KCNQ1OT1: variants seen among roughly 807,000 people sequenced by gnomAD.
KCNQ1OT1 encodes the protein KCNQ1 antisense RNA 2 (non-protein coding).
exon 1 of KCNQ1OT1, chr11:2,616,690 AT>A (rs1312674947): frequency 5.0e-6 from 2 of 398,020 alleles, no homozygotes; most frequent in Non-Finnish European, 8.9e-6. Context: ...GAATTTGTTA[AT>A]TTTTAGGTTT....
Position 2,698,824 on chromosome 11 carries a change from C to A in KCNQ1OT1, n.1171G>T. ...TCCCGATCCTCTGTCCCTAATGAGG[C>A]CCTACCTAAAACCACCATGCGGACT... On this transcript the variant is annotated non_coding_transcript_exon_variant, in exon 1 of 1. Coordinates refer to ENST00000597346, the Ensembl canonical transcript of KCNQ1OT1. The surrounding 1 kb of genome is among the most constrained non-coding windows in gnomAD (Gnocchi z 5.1). 1 of 398,818 alleles carries A rather than the reference C, an allele frequency of 2.5e-6. No homozygotes were observed. Among genetic ancestry groups the A allele is most frequent in the Admixed American group, 4.4e-5 (1 of 22,730 alleles). The allele number at this position is 398,818 out of a possible 1,614,324, so 24.7% of individuals were successfully genotyped here.
At chr11:2,694,794 GTA>G (rs2133896407) in exon 1 of KCNQ1OT1, 1 of 398,640 alleles carries the variant, frequency 2.5e-6, no homozygotes, top group East Asian at 3.6e-5. Context: ...GACTCGAAAG[GTA>G]GTCGTCAGCT....
At position 2,658,390 on chromosome 11, in the gene KCNQ1OT1, A is replaced by T. The variant is rs563376632; in HGVS notation, n.41605T>A. 5 of 398,360 alleles carry T rather than the reference A, an allele frequency of 1.3e-5. No individual in the cohort carries two copies. Among genetic ancestry groups the T allele is most frequent in the African/African-American group, 4.1e-5 (2 of 48,562 alleles). The allele number at this position is 398,360 out of a possible 1,614,324, so 24.7% of individuals were successfully genotyped here. Reference sequence around the variant, plus strand: ...TATTTATTTTTTGAGTTATAGTCCAATATTATTTATTTTGTTGCTCAAATT... The same window carrying T: ...TATTTATTTTTTGAGTTATAGTCCATTATTATTTATTTTGTTGCTCAAATT... On this transcript the variant is annotated non_coding_transcript_exon_variant, in exon 1 of 1. Transcript: ENST00000597346. The surrounding 1 kb of genome is among the most constrained non-coding windows in gnomAD (Gnocchi z 4.9).
chr11:2,667,199 C>A (rs990974141), exon 1 of KCNQ1OT1: 6 of 398,614 alleles, frequency 1.5e-5, no homozygotes, highest in Admixed American at 4.4e-5. Context: ...TGTGGCGGCC[C>A]CCCGTGGCCC....
chr11:2,670,252 G>T lies in KCNQ1OT1; in HGVS notation n.29743C>A. The stretch of plus-strand genomic sequence containing the variant: ...CTTTGACCCTGCACATGACGGGCGA[G>T]GGAAGAGGACCATGGTAGCTTGTCT... On this transcript the variant is annotated non_coding_transcript_exon_variant, in exon 1 of 1. Coordinates refer to ENST00000597346, the Ensembl canonical transcript of KCNQ1OT1. The surrounding 1 kb of genome is among the most constrained non-coding windows in gnomAD (Gnocchi z 4.9). The T allele has an allele frequency of 2.5e-6, 1 of 398,598 alleles. No homozygotes were observed. The highest frequency in any genetic ancestry group is 1.3e-4 in the South Asian group (1 of 7,856). The allele number at this position is 398,598 out of a possible 1,614,324, so 24.7% of individuals were successfully genotyped here. A position where few individuals can be genotyped will look rare whatever the true frequency, so the allele number is the denominator to read the frequency against.
rs1338804022 is a variant in KCNQ1OT1 at position 2,678,415 on chromosome 11, A to G, written n.21580T>C. 1 of 398,448 alleles carries G rather than the reference A, an allele frequency of 2.5e-6. No homozygotes were observed. Among genetic ancestry groups the G allele is most frequent in the Non-Finnish European group, 4.4e-6 (1 of 226,064 alleles). 24.7% of individuals were successfully genotyped at this position (398,448 alleles called of 1,614,324 possible). A position where few individuals can be genotyped will look rare whatever the true frequency, so the allele number is the denominator to read the frequency against. ...TATATTTGTCCAGTTGTCCAACACT[A>G]TTTATTTGAGTACATCATCATCTCT... On this transcript the variant is annotated non_coding_transcript_exon_variant, in exon 1 of 1. Coordinates refer to ENST00000597346, the Ensembl canonical transcript of KCNQ1OT1. The surrounding 1 kb of genome is among the most constrained non-coding windows in gnomAD (Gnocchi z 4.9).
Position 2,676,289 on chromosome 11 carries a change from C to T in KCNQ1OT1, n.23706G>A, listed in dbSNP as rs1487904492. On this transcript the variant is annotated non_coding_transcript_exon_variant, in exon 1 of 1. Coordinates refer to ENST00000597346, the Ensembl canonical transcript of KCNQ1OT1. The surrounding 1 kb of genome is among the most constrained non-coding windows in gnomAD (Gnocchi z 4.2). ...TGCAAAATGTGTGTTTACATGTATA[C>T]AGACACACGTGTGAACAGGTGATGG... 5.0e-6 allele frequency: 2 copies of T among 398,516 alleles called. No homozygotes were observed. The highest frequency in any genetic ancestry group is 4.1e-5 in the African/African-American group (2 of 48,638). The allele number at this position is 398,516 out of a possible 1,614,324, so 24.7% of individuals were successfully genotyped here.
exon 1 of KCNQ1OT1, chr11:2,629,024 A>C (rs1424771535): frequency 2.5e-6 from 1 of 398,174 alleles, no homozygotes; most frequent in Non-Finnish European, 4.4e-6. Flanking sequence ...AAGCATGTGT[A>C]ATATCTTTCA....
At position 2,691,592 on chromosome 11, in the gene KCNQ1OT1, G is replaced by A. The variant is rs1485268368; in HGVS notation, n.8403C>T. ...TCAGCAAGGACGAGGCCTCCCTGAG[G>A]GAGTCAACCTAGCTTGTTCCCTGCA... On this transcript the variant is annotated non_coding_transcript_exon_variant, in exon 1 of 1. Transcript: ENST00000597346. The surrounding 1 kb of genome is among the most constrained non-coding windows in gnomAD (Gnocchi z 6.4). 1 of 398,440 alleles carries A rather than the reference G, an allele frequency of 2.5e-6. No homozygotes were observed. The highest frequency in any genetic ancestry group is 2.1e-5 in the African/African-American group (1 of 48,596). 24.7% of individuals were successfully genotyped at this position (398,440 alleles called of 1,614,324 possible). A position where few individuals can be genotyped will look rare whatever the true frequency, so the allele number is the denominator to read the frequency against.
chr11:2,617,754 T>C lies in KCNQ1OT1; in HGVS notation n.82241A>G, dbSNP rs1360910780. 1 of 398,446 alleles carries C rather than the reference T, an allele frequency of 2.5e-6. No homozygotes were observed. The highest frequency in any genetic ancestry group is 4.4e-6 in the Non-Finnish European group (1 of 226,026). The allele number at this position is 398,446 out of a possible 1,614,324, so 24.7% of individuals were successfully genotyped here. ...ATGAGTGTGAGGTGATATCGCATAGTAATTTTGATTTGCATTTCCCTGACG... is the reference window on the plus strand; with the variant it reads ...ATGAGTGTGAGGTGATATCGCATAGCAATTTTGATTTGCATTTCCCTGACG... On this transcript the variant is annotated non_coding_transcript_exon_variant, in exon 1 of 1. Coordinates refer to ENST00000597346, the Ensembl canonical transcript of KCNQ1OT1. The surrounding 1 kb of genome is among the most constrained non-coding windows in gnomAD (Gnocchi z 4.6).
In KCNQ1OT1 at chr11:2,678,960, A is replaced by T; in HGVS notation, n.21035T>A. ...TGAATTTGCTAACTCAATAGAGAAC[A>T]AAAGAGCAAATAGGCCTAATTCAAG... On this transcript the variant is annotated non_coding_transcript_exon_variant, in exon 1 of 1. Coordinates refer to ENST00000597346, the Ensembl canonical transcript of KCNQ1OT1. The surrounding 1 kb of genome is among the most constrained non-coding windows in gnomAD (Gnocchi z 4.9). The T allele has an allele frequency of 7.5e-6, 3 of 398,630 alleles. No homozygotes were observed. Among genetic ancestry groups the T allele is most frequent in the Non-Finnish European group, 1.3e-5 (3 of 226,074 alleles). The allele number at this position is 398,630 out of a possible 1,614,324, so 24.7% of individuals were successfully genotyped here.
Position 2,673,290 on chromosome 11 carries a change from A to G in KCNQ1OT1, n.26705T>C. ...TCAGCCACCTTCTCCCCTAGAAGAA[A>G]TCTTGAGAGAAACAATCCCACAGGC... On this transcript the variant is annotated non_coding_transcript_exon_variant, in exon 1 of 1. Coordinates refer to ENST00000597346, the Ensembl canonical transcript of KCNQ1OT1. This position sits in a 1 kb window ranked among gnomAD's most constrained non-coding sequence, Gnocchi z 4.5. 2.5e-6 allele frequency: 1 copy of G among 398,768 alleles called. No individual in the cohort carries two copies. The highest frequency in any genetic ancestry group is 4.4e-6 in the Non-Finnish European group (1 of 226,150). The allele number at this position is 398,768 out of a possible 1,614,324, so 24.7% of individuals were successfully genotyped here.
At chr11:2,694,521 G>A (rs1850641954) in exon 1 of KCNQ1OT1, 1 of 398,680 alleles carries the variant, frequency 2.5e-6, no homozygotes, top group Non-Finnish European at 4.4e-6. Flanking sequence ...AACCCTGGTT[G>A]CAAGGGGTCA....
At chr11:2,618,584 T>C (rs1589984713) in exon 1 of KCNQ1OT1, 1 of 398,618 alleles carries the variant, frequency 2.5e-6, no homozygotes, top group East Asian at 3.6e-5. Context: ...GCCAGGACCA[T>C]ACTGTTTGAT....
chr11:2,653,118 G>A lies in KCNQ1OT1; in HGVS notation n.46877C>T. On this transcript the variant is annotated non_coding_transcript_exon_variant, in exon 1 of 1. Coordinates refer to ENST00000597346, the Ensembl canonical transcript of KCNQ1OT1. This position sits in a 1 kb window ranked among gnomAD's most constrained non-coding sequence, Gnocchi z 5.3. ...GAGAGGCTCACTGAAGGTTTGGGGA[G>A]ATGAGGACTTGCATCACAGCAGTAG... is the stretch of plus-strand genomic sequence containing the variant. 1 of 398,770 alleles carries A rather than the reference G, an allele frequency of 2.5e-6. No individual in the cohort carries two copies. The highest frequency in any genetic ancestry group is 4.4e-6 in the Non-Finnish European group (1 of 226,142). The allele number at this position is 398,770 out of a possible 1,614,324, so 24.7% of individuals were successfully genotyped here.
chr11:2,663,077 G>C lies in KCNQ1OT1; in HGVS notation n.36918C>G. The C allele has an allele frequency of 2.5e-6, 1 of 398,774 alleles. No individual in the cohort carries two copies. The highest frequency in any genetic ancestry group is 4.4e-6 in the Non-Finnish European group (1 of 226,178). 24.7% of individuals were successfully genotyped at this position (398,774 alleles called of 1,614,324 possible). ...GAGAACTGGCAGGGTTGGGTAGCCA[G>C]AATGAGGCCACCTCCAGGGAAGGAG... is the stretch of plus-strand genomic sequence containing the variant. On this transcript the variant is annotated non_coding_transcript_exon_variant, in exon 1 of 1. Coordinates refer to ENST00000597346, the Ensembl canonical transcript of KCNQ1OT1. The surrounding 1 kb of genome is among the most constrained non-coding windows in gnomAD (Gnocchi z 5.2).
Position 2,612,920 on chromosome 11 carries a change from G to A in KCNQ1OT1, n.87075C>T. 5.0e-6 allele frequency: 2 copies of A among 398,534 alleles called. No individual in the cohort carries two copies. The highest frequency in any genetic ancestry group is 8.8e-6 in the Non-Finnish European group (2 of 226,046). The allele number at this position is 398,534 out of a possible 1,614,324, so 24.7% of individuals were successfully genotyped here. ...CTCATTTATTTGTTTGCTCGCTTGTGTATGCCTTCTCTGCATGGATTCTGC... is the reference window on the plus strand; with the variant it reads ...CTCATTTATTTGTTTGCTCGCTTGTATATGCCTTCTCTGCATGGATTCTGC... On this transcript the variant is annotated non_coding_transcript_exon_variant, in exon 1 of 1. Transcript: ENST00000597346. This position sits in a 1 kb window ranked among gnomAD's most constrained non-coding sequence, Gnocchi z 5.5.
At chr11:2,684,232 C>A in exon 1 of KCNQ1OT1, 3 of 398,598 alleles carry the variant, frequency 7.5e-6, no homozygotes. Flanking sequence ...GTTAACTGAC[C>A]CTACCCAGTA....
Position 2,621,250 on chromosome 11 carries a change from C to CCTG in KCNQ1OT1, n.78744_78745insCAG. 2.5e-6 allele frequency: 1 copy of CCTG among 398,156 alleles called. No individual in the cohort carries two copies. The highest frequency in any genetic ancestry group is 4.4e-6 in the Non-Finnish European group (1 of 225,948). 24.7% of individuals were successfully genotyped at this position (398,156 alleles called of 1,614,324 possible). ...ACCTCAGCCTCCCAAAGTGCTAGGA[C>CCTG]TACAGGCATGAGCCACCGTGCCTGG... On this transcript the variant is annotated non_coding_transcript_exon_variant, in exon 1 of 1. Coordinates refer to ENST00000597346, the Ensembl canonical transcript of KCNQ1OT1. The surrounding 1 kb of genome is among the most constrained non-coding windows in gnomAD (Gnocchi z 5.7).
Sources: gnomAD v4.1 joint callset for allele counts on GRCh38, gnomAD v4.1.1 for gene constraint, Gnocchi (gnomAD v3.1) non-coding constraint, MANE v1.5 for transcripts, NCBI Gene and HGNC (gene_info 2026-07-23, HGNC 2026-07-21) for gene names.